The following SLC9C1 variants were observed in gnomAD, a reference collection of about 807,000 sequenced individuals.
SLC9C1 encodes the protein sodium/hydrogen exchanger 10.
A neutral mutation model predicts 140.9 loss-of-function variants in SLC9C1; 97 were observed. The observed-to-expected ratio is 0.69, with a 90% CI of 0.58 to 0.82. The LOEUF (loss-of-function observed/expected upper bound fraction) is 0.82, where lower values mean the gene tolerates loss of function less well. Ranked by LOEUF, SLC9C1 falls within the 40% of genes least tolerant of loss-of-function variation. SLC9C1 has a pLI of 0.00. For synonymous variants in SLC9C1, 440 were observed against 442.6 expected, an observed-to-expected ratio of 0.99 and a Z score of 0.07; for missense variants, 1,340 against 1,389.3, an observed-to-expected ratio of 0.96 and a Z score of 0.56.
intron 22 of SLC9C1, 124 bp downstream of exon 22, chr3:112,180,440 T>C (rs1025006287): frequency 1.6e-6 from 1 of 628,102 alleles, no homozygotes; most frequent in Non-Finnish European, 2.7e-6. Flanking sequence ...GGAGTATCAC[T>C]TGAACCCAGG....
chr3:112,241,636 G>C (rs1486922512), intron 11 of SLC9C1, among the ~76,000 whole-genome samples: 2 of 152,150 alleles, frequency 1.3e-5, no homozygotes, highest in African/African-American at 2.4e-5. Context: ...AGCCCAAATA[G>C]CCAATGCAAT....
At chr3:112,216,263 A>T (rs2078365451) in intron 15 of SLC9C1, among the ~76,000 whole-genome samples, 1 of 152,166 alleles carries the variant, frequency 6.6e-6, no homozygotes, top group Non-Finnish European at 1.5e-5. Context: ...CTAGAAGAAA[A>T]CCTAGGCAAT....
intron 20 of SLC9C1, chr3:112,186,065 A>C (rs1481803520): frequency 2.6e-6 from 3 of 1,147,800 alleles, no homozygotes; most frequent in East Asian, 5.2e-5. Flanking sequence ...TGCACTTTCA[A>C]ATCTTTTGCC....
At position 112,286,750 on chromosome 3, in the gene SLC9C1, G is replaced by A. The variant is rs907603864; in HGVS notation, c.42C>T (p.Asp14=). The stretch of plus-strand genomic sequence containing the variant: ...ACAATGTTAGAATGACTTCAGGGAG[G>A]TCCTCAGTACTGAAAAAAAACTCCT... ...IFKEFFFSTE[D]LPEVILTLSL... The change falls in exon 2 of 29, where the codon GAC becomes GAT. Residue 14 remains aspartate, a synonymous_variant. Transcript: ENST00000305815. 1 of 1,612,538 alleles carries A rather than the reference G, an allele frequency of 6.2e-7. No individual in the cohort carries two copies. The highest frequency in any genetic ancestry group is 8.5e-7 in the Non-Finnish European group (1 of 1,179,456).
At chr3:112,195,250 G>A (rs2077744764) in intron 20 of SLC9C1, among the ~76,000 whole-genome samples, 1 of 152,006 alleles carries the variant, frequency 6.6e-6, no homozygotes, top group Non-Finnish European at 1.5e-5. Context: ...GAGTTTTATA[G>A]TTTTAGGTCT....
chr3:112,227,489 T>C (rs913639288), intron 13 of SLC9C1, among the ~76,000 whole-genome samples: 1 of 149,830 alleles, frequency 6.7e-6, no homozygotes, highest in Admixed American at 6.7e-5. Context: ...CCAAAGCCAT[T>C]TGATCATCTG....
Position 112,221,234 on chromosome 3 carries a change from A to G in SLC9C1, c.1573-9T>C. The G allele has an allele frequency of 6.2e-7, 1 of 1,610,154 alleles. No individual in the cohort carries two copies. Among genetic ancestry groups the G allele is most frequent in the East Asian group, 2.2e-5 (1 of 44,814 alleles). On this transcript the variant is annotated splice_polypyrimidine_tract_variant and intron_variant, in intron 13 of 28. Transcript: ENST00000305815. ...TGTCTCTGGTAGCTTGCCTAAAAAAATATTAATTCAAGTCATTATATAGCA... is the reference window on the plus strand; with the variant it reads ...TGTCTCTGGTAGCTTGCCTAAAAAAGTATTAATTCAAGTCATTATATAGCA...
At chr3:112,278,901 AT>A in intron 3 of SLC9C1, 44 bp from the exon 4 acceptor site, 1 of 1,514,150 alleles carries the variant, frequency 6.6e-7, no homozygotes, top group East Asian at 2.8e-5. Flanking sequence ...ATTCATCACT[AT>A]TAGAATAGAA....
At chr3:112,207,254 TC>T (rs1309218029) in intron 16 of SLC9C1, among the ~76,000 whole-genome samples, 2 of 152,214 alleles carry the variant, frequency 1.3e-5, no homozygotes, top group Non-Finnish European at 2.9e-5. Flanking sequence ...AAATTGGGTT[TC>T]CATTGAAATT....
intron 1 of SLC9C1, among the ~76,000 whole-genome samples, chr3:112,288,161 G>T (rs1559757606): frequency 6.7e-6 from 1 of 149,612 alleles, no homozygotes; most frequent in African/African-American, 2.5e-5. Flanking sequence ...ATATACATAT[G>T]ATATATATAT....
chr3:112,240,203 A>G (rs972462845), intron 11 of SLC9C1, among the ~76,000 whole-genome samples, 197 bp from the exon 12 acceptor site: 1 of 152,252 alleles, frequency 6.6e-6, no homozygotes, highest in Non-Finnish European at 1.5e-5. Flanking sequence ...TGAGGCATGT[A>G]ATAGTAATAG....
intron 8 of SLC9C1, among the ~76,000 whole-genome samples, chr3:112,264,664 G>A (rs2108298359): frequency 6.6e-6 from 1 of 152,020 alleles, no homozygotes; most frequent in South Asian, 2.1e-4. Context: ...TGAAAAGATG[G>A]GAGATGGTAC....
chr3:112,278,979 G>A (rs1576513292), intron 3 of SLC9C1, 122 bp from the exon 4 acceptor site: 3 of 929,668 alleles, frequency 3.2e-6, no homozygotes, highest in East Asian at 3.0e-5. Context: ...ATCACACAAA[G>A]GAGTAAGTGA....
At chr3:112,258,706 C>T (rs2079682924) in intron 10 of SLC9C1, among the ~76,000 whole-genome samples, 1 of 152,066 alleles carries the variant, frequency 6.6e-6, no homozygotes, top group Non-Finnish European at 1.5e-5. Context: ...GTGATCCACC[C>T]ACTTCAGCCT....
chr3:112,181,588 G>T (rs1024321239), intron 21 of SLC9C1, among the ~76,000 whole-genome samples: 2 of 152,142 alleles, frequency 1.3e-5, no homozygotes, highest in African/African-American at 4.8e-5. Flanking sequence ...GTAGGAGGGA[G>T]ACCTAAAGAT....
At chr3:112,214,754 A>T (rs1475663781) in intron 15 of SLC9C1, among the ~76,000 whole-genome samples, 1 of 152,222 alleles carries the variant, frequency 6.6e-6, no homozygotes, top group African/African-American at 2.4e-5. Flanking sequence ...GACCAGATGG[A>T]TTCACAGCCG....
At chr3:112,148,760 G>C (rs1243479621) in intron 28 of SLC9C1, among the ~76,000 whole-genome samples, 1 of 152,192 alleles carries the variant, frequency 6.6e-6, no homozygotes, top group Non-Finnish European at 1.5e-5. Context: ...GCCTTGAGGG[G>C]ATGGGGAGTA....
At chr3:112,145,405 G>C (rs2074756725) in intron 28 of SLC9C1, among the ~76,000 whole-genome samples, 1 of 152,028 alleles carries the variant, frequency 6.6e-6, no homozygotes, top group Admixed American at 6.6e-5. Flanking sequence ...TGGGAATATT[G>C]GCCTGTAGTT....
chr3:112,167,150 C>G (rs1328343604), intron 26 of SLC9C1, 71 bp downstream of exon 26: 2 of 1,538,844 alleles, frequency 1.3e-6, no homozygotes, highest in Non-Finnish European at 1.8e-6. Flanking sequence ...ACAACAGTTT[C>G]CAAATACACA....
Sources: allele counts gnomAD v4.1 joint callset (sites outside exome capture counted in the v4.1 genomes callset), GRCh38; gene constraint gnomAD v4.1.1; transcripts MANE v1.5; gene names NCBI Gene and HGNC (gene_info 2026-07-23, HGNC 2026-07-21).